The following DSCAML1 variants were observed in gnomAD, a reference collection of about 807,000 sequenced individuals.
The protein encoded by DSCAML1 is DS cell adhesion molecule like 1, also known as cell adhesion molecule DSCAML1.
DSCAML1 carries 38 observed loss-of-function variants against 200.5 expected under a neutral mutation model. The observed-to-expected ratio is 0.19, with a 90% CI of 0.15 to 0.25. The LOEUF (loss-of-function observed/expected upper bound fraction) is 0.25. DSCAML1 is among the 10% of genes least tolerant of loss of function. The pLI is 1.00. For synonymous variants in DSCAML1, 1,215 were observed against 1,165.0 expected (o/e 1.04, Z -0.87); for missense variants, 2,223 against 2,858.8 (o/e 0.78, Z 5.07).
rs962547171 is a variant in DSCAML1, at chr11:117,642,707, G to C, written c.512-110185C>G. The stretch of plus-strand genomic sequence containing the variant: ...GCTTCTTGGGCCAGTGGATTGTCAC[G>C]ATCCTGGCTCAGATGAAGACGTCAG... On this transcript the variant is annotated intron_variant, in intron 3 of 32. Coordinates refer to ENST00000651296, the MANE Select transcript of DSCAML1 (RefSeq NM_020693.4). This position sits in a 1 kb window ranked among gnomAD's most constrained non-coding sequence, Gnocchi z 4.1. Among the ~76,000 whole-genome samples, 1 of 152,178 alleles carries C rather than the reference G, an allele frequency of 6.6e-6. No individual in the cohort carries two copies. The highest frequency in any genetic ancestry group is 2.4e-5 in the African/African-American group (1 of 41,442).
chr11:117,510,217 C>A (rs1015149445), intron 8 of DSCAML1, among the ~76,000 whole-genome samples: 29 of 152,326 alleles, frequency 1.9e-4, no homozygotes, highest in African/African-American at 7.0e-4. Flanking sequence ...TTATTTACTG[C>A]ACCTGCTAGC....
At chr11:117,595,280 T>C (rs2051342494) in intron 3 of DSCAML1, among the ~76,000 whole-genome samples, 1 of 152,188 alleles carries the variant, frequency 6.6e-6, no homozygotes, top group African/African-American at 2.4e-5. Flanking sequence ...TACTTTTTCC[T>C]GATTAAAATA....
At chr11:117,614,031 G>C (rs894495309) in intron 3 of DSCAML1, among the ~76,000 whole-genome samples, 3 of 152,138 alleles carry the variant, frequency 2.0e-5, no homozygotes, top group Non-Finnish European at 2.9e-5. Context: ...AATATTTATA[G>C]TTACTTTTCC....
intron 3 of DSCAML1, among the ~76,000 whole-genome samples, chr11:117,692,610 T>TA (rs1219851160): frequency 6.6e-6 from 1 of 152,162 alleles, no homozygotes; most frequent in Non-Finnish European, 1.5e-5. Context: ...GTTCTATAAT[T>TA]AGAGTAATAT....
chr11:117,483,126 G>A (rs1212313086), intron 11 of DSCAML1, among the ~76,000 whole-genome samples: 1 of 152,240 alleles, frequency 6.6e-6, no homozygotes, highest in Non-Finnish European at 1.5e-5. Context: ...ACCTGCGGCA[G>A]CAGCAGGAGG....
Position 117,544,609 on chromosome 11 carries a change from G to A in DSCAML1, c.512-12087C>T, listed in dbSNP as rs569913447. Among the ~76,000 whole-genome samples, 10 of 152,216 alleles carry A rather than the reference G, an allele frequency of 6.6e-5. No individual in the cohort carries two copies. The South Asian group carries it at 8.3e-4, about 13-fold the overall frequency. On this transcript the variant is annotated intron_variant, in intron 3 of 32. Transcript: ENST00000651296. The stretch of plus-strand genomic sequence containing the variant: ...CAGCCTGGGTTTGAAAAAACCAAGG[G>A]AAGCCAGGCCCATCCTTCTTCCTCT...
intron 3 of DSCAML1, among the ~76,000 whole-genome samples, chr11:117,714,283 T>G (rs1029518501): frequency 7.9e-5 from 12 of 152,182 alleles, no homozygotes; most frequent in African/African-American, 2.9e-4. Context: ...CTTTGTCCCT[T>G]TTCTGAAAGA....
chr11:117,608,089 C>T (rs918767158), intron 3 of DSCAML1, among the ~76,000 whole-genome samples: 6 of 152,152 alleles, frequency 3.9e-5, no homozygotes, highest in Non-Finnish European at 7.3e-5. Context: ...TCTTGAGACC[C>T]ATTGTGTAAG....
chr11:117,710,950 C>G (rs1424750865), intron 3 of DSCAML1, among the ~76,000 whole-genome samples: 1 of 152,180 alleles, frequency 6.6e-6, no homozygotes, highest in Non-Finnish European at 1.5e-5. Flanking sequence ...AGGTCACAAA[C>G]TATATCCAGT....
intron 3 of DSCAML1, among the ~76,000 whole-genome samples, chr11:117,705,684 TC>T (rs2053747682): frequency 6.6e-6 from 1 of 152,104 alleles, no homozygotes; most frequent in Non-Finnish European, 1.5e-5. Context: ...CTAAATAATC[TC>T]AAACAGGTGA....
At chr11:117,466,182 G>C (rs1481195940) in intron 16 of DSCAML1, among the ~76,000 whole-genome samples, 2 of 152,212 alleles carry the variant, frequency 1.3e-5, no homozygotes, top group Non-Finnish European at 2.9e-5. Flanking sequence ...TAGCCAGAAG[G>C]TGGAAGCAAC....
intron 3 of DSCAML1, among the ~76,000 whole-genome samples, chr11:117,562,513 G>A (rs972062393): frequency 2.6e-5 from 4 of 152,170 alleles, no homozygotes; most frequent in African/African-American, 7.2e-5. Context: ...GAGTGGCACC[G>A]AAACGACATG....
At chr11:117,619,170 C>A (rs1178438126) in intron 3 of DSCAML1, among the ~76,000 whole-genome samples, 1 of 152,228 alleles carries the variant, frequency 6.6e-6, no homozygotes, top group Non-Finnish European at 1.5e-5. Context: ...CCAAGTCGGC[C>A]CAGTGCTCAG....
At chr11:117,522,615 T>G (rs2049903976) in intron 5 of DSCAML1, among the ~76,000 whole-genome samples, 1 of 152,202 alleles carries the variant, frequency 6.6e-6, no homozygotes, top group Non-Finnish European at 1.5e-5. Flanking sequence ...ACCGCATGCT[T>G]GCTTCTCCCT....
At chr11:117,684,965 G>A (rs753581224) in intron 3 of DSCAML1, among the ~76,000 whole-genome samples, 3 of 152,242 alleles carry the variant, frequency 2.0e-5, no homozygotes, top group Non-Finnish European at 4.4e-5. Flanking sequence ...GGTGCTCTGA[G>A]CCTGTCATGG....
intron 21 of DSCAML1, 110 bp downstream of exon 21, chr11:117,443,776 G>T (rs1298283497): frequency 3.7e-5 from 54 of 1,440,462 alleles, no homozygotes; most frequent in Non-Finnish European, 4.9e-5. Flanking sequence ...CCTCACAGCT[G>T]GGTGGCAGAT....
upstream of DSCAML1, chr11:117,797,248 G>T: frequency 6.9e-7 from 1 of 1,444,138 alleles, no homozygotes; most frequent in Non-Finnish European, 9.1e-7. Context: ...TCGGCTCCCC[G>T]GCTCCTGTCA....
Position 117,518,338 on chromosome 11 carries a change from A to G in DSCAML1, c.1510+128T>C. On this transcript the variant is annotated intron_variant, in intron 7 of 32. Coordinates refer to ENST00000651296, the MANE Select transcript of DSCAML1 (RefSeq NM_020693.4). The surrounding 1 kb of genome is among the most constrained non-coding windows in gnomAD (Gnocchi z 6.3). ...GCAGGAAAAGGGGACGAGAGAGGGG[A>G]GAGAGACCTCTACTAAAATCAAAAT... is the stretch of plus-strand genomic sequence containing the variant. 7.8e-7 allele frequency: 1 copy of G among 1,284,840 alleles called. No individual in the cohort carries two copies. Among genetic ancestry groups the G allele is most frequent in the Non-Finnish European group, 1.1e-6 (1 of 906,926 alleles). The allele number at this position is 1,284,840 out of a possible 1,614,324, so 79.6% of individuals were successfully genotyped here. A position where few individuals can be genotyped will look rare whatever the true frequency, so the allele number is the denominator to read the frequency against.
chr11:117,481,729 T>C (rs2048926089), intron 12 of DSCAML1, among the ~76,000 whole-genome samples: 1 of 151,928 alleles, frequency 6.6e-6, no homozygotes. Context: ...AAGGTGGGAC[T>C]GAAGAAACCA....
Sources: gnomAD v4.1 joint callset for allele counts (sites outside exome capture counted in the v4.1 genomes callset) on GRCh38, gnomAD v4.1.1 for gene constraint, Gnocchi (gnomAD v3.1) non-coding constraint, MANE v1.5 for transcripts, NCBI Gene and HGNC (gene_info 2026-07-23, HGNC 2026-07-21) for gene names.